Variants in SEC61B observed in about 807,000 individuals in gnomAD.
SEC61B encodes protein transport protein Sec61 subunit beta.
In SEC61B, 7 loss-of-function variants were observed where a neutral mutation model predicts 12.6. The ratio of observed to expected loss-of-function variants is 0.55; its 90% CI spans 0.32 to 1.04. The LOEUF (loss-of-function observed/expected upper bound fraction) is 1.04. Among genes scored for constraint, SEC61B ranks in the 50% least tolerant of loss-of-function variants. The pLI is 0.05. For missense variants in SEC61B, 107 were observed against 130.1 expected (o/e 0.82, Z 0.86); for synonymous variants, 54 against 50.1 (o/e 1.08, Z -0.33).
At chr9:99,225,547 A>C (rs1470141273) in intron 2 of SEC61B, among the ~76,000 whole-genome samples, 7 of 152,176 alleles carry the variant, frequency 4.6e-5, no homozygotes, top group Non-Finnish European at 1.0e-4. Context: ...TTAGTTTTGA[A>C]AACCATTGTG....
chr9:99,229,665 T>G (rs2119023073), intron 3 of SEC61B, among the ~76,000 whole-genome samples: 1 of 152,310 alleles, frequency 6.6e-6, no homozygotes, highest in South Asian at 2.1e-4. Context: ...GGACTCATTT[T>G]AAACCCTTCT....
chr9:99,230,212 G>A (rs1205472539), intron 3 of SEC61B, 125 bp from the exon 4 acceptor site: 2 of 553,128 alleles, frequency 3.6e-6, no homozygotes, highest in East Asian at 6.2e-5. Flanking sequence ...TACAAATAAT[G>A]TTTCTGGATG....
Position 99,222,372 on chromosome 9 carries a change from G to A in SEC61B, c.3+6G>A, listed in dbSNP as rs1564224533. On this transcript the variant is annotated splice_donor_region_variant and intron_variant, in intron 1 of 3. Coordinates refer to ENST00000223641, the MANE Select transcript of SEC61B (RefSeq NM_006808.3). ...CCACCCTCATCTCCAATATGGTATG[G>A]CGGCCCTTCCATGATCCCCGCCTCT... is the stretch of plus-strand genomic sequence containing the variant. 5 of 1,614,136 alleles carry A rather than the reference G, an allele frequency of 3.1e-6. 1 individual carries two copies. In the South Asian group the frequency reaches 5.5e-5, roughly 18 times the overall value.
At chr9:99,225,667 C>A (rs1685121152) in intron 2 of SEC61B, among the ~76,000 whole-genome samples, 1 of 152,206 alleles carries the variant, frequency 6.6e-6, no homozygotes, top group Non-Finnish European at 1.5e-5. Flanking sequence ...CTTTACCTAG[C>A]TACCCCTAGG....
intron 2 of SEC61B, chr9:99,223,050 T>G (rs1318437359): frequency 6.1e-6 from 1 of 163,330 alleles, no homozygotes; most frequent in African/African-American, 2.4e-5. Context: ...TATATCTCCT[T>G]ACTTCCATAT....
intron 3 of SEC61B, among the ~76,000 whole-genome samples, chr9:99,228,440 T>TTACC (rs1413019255): frequency 6.6e-6 from 1 of 152,224 alleles, no homozygotes; most frequent in Non-Finnish European, 1.5e-5. Flanking sequence ...TTAGGCTGTG[T>TTACC]TACCAGGAGT....
At chr9:99,222,468 C>G in intron 1 of SEC61B, 78 bp from the exon 2 acceptor site, 1 of 1,601,348 alleles carries the variant, frequency 6.2e-7, no homozygotes, top group Non-Finnish European at 8.6e-7. Flanking sequence ...CCCCCAGCCT[C>G]GGGTGTGGGT....
At chr9:99,224,341 G>A (rs868086568) in intron 2 of SEC61B, among the ~76,000 whole-genome samples, 3 of 152,148 alleles carry the variant, frequency 2.0e-5, no homozygotes, top group Non-Finnish European at 4.4e-5. Context: ...TATGGGCTTT[G>A]AGTGCTGTCC....
chr9:99,227,875 T>A (rs1828917310), intron 2 of SEC61B, 24 bp from the exon 3 acceptor site: 1 of 1,569,000 alleles, frequency 6.4e-7, no homozygotes, highest in African/African-American at 1.3e-5. Context: ...AAAAGGCCAT[T>A]TGTAACATTT....
intron 2 of SEC61B, 58 bp downstream of exon 2, chr9:99,222,701 C>T: frequency 8.4e-7 from 1 of 1,197,038 alleles, no homozygotes; most frequent in Non-Finnish European, 1.2e-6. Flanking sequence ...CAGAACCTCG[C>T]TGATTCTGGG....
Position 99,230,590 on chromosome 9 carries a change from C to G in SEC61B, c.*166C>G. The G allele has an allele frequency of 1.8e-6, 1 of 560,390 alleles. No homozygotes were observed. Among genetic ancestry groups the G allele is most frequent in the Non-Finnish European group, 3.1e-6 (1 of 319,470 alleles). The allele number at this position is 560,390 out of a possible 1,614,324, so 34.7% of individuals were successfully genotyped here. ...TTGAGGAATCAGTTTTTTTCTATGG[C>G]TAATAAACTTTTTAATTCACTTATA... On this transcript the variant is annotated 3_prime_UTR_variant, in exon 4 of 4. Coordinates refer to ENST00000223641, the MANE Select transcript of SEC61B (RefSeq NM_006808.3).
chr9:99,223,673 T>C (rs1317732767), intron 2 of SEC61B, among the ~76,000 whole-genome samples: 1 of 152,232 alleles, frequency 6.6e-6, no homozygotes, highest in Non-Finnish European at 1.5e-5. Context: ...ATTACAGGCG[T>C]GAGCCACTGC....
chr9:99,225,353 G>A (rs893829871), intron 2 of SEC61B, among the ~76,000 whole-genome samples: 1 of 152,176 alleles, frequency 6.6e-6, no homozygotes, highest in Non-Finnish European at 1.5e-5. Context: ...TTTAGATAGG[G>A]TGTTCACAGT....
At chr9:99,223,434 C>T (rs1040597844) in intron 2 of SEC61B, among the ~76,000 whole-genome samples, 1 of 151,224 alleles carries the variant, frequency 6.6e-6, no homozygotes, top group Non-Finnish European at 1.5e-5. Context: ...CACTCTGTCG[C>T]CCAGGCTGGA....
At chr9:99,229,077 A>C (rs1828931077) in intron 3 of SEC61B, among the ~76,000 whole-genome samples, 2 of 152,116 alleles carry the variant, frequency 1.3e-5, no homozygotes, top group Non-Finnish European at 2.9e-5. Context: ...TAGTTTTTAT[A>C]ATTTTAATTA....
At chr9:99,229,398 C>T (rs1257507440) in intron 3 of SEC61B, among the ~76,000 whole-genome samples, 1 of 152,102 alleles carries the variant, frequency 6.6e-6, no homozygotes, top group Non-Finnish European at 1.5e-5. Flanking sequence ...GATCATAGCT[C>T]ATTGTAGTCT....
chr9:99,227,915 G>A lies in SEC61B; in HGVS notation c.118G>A (p.Gly40Arg). ...CTCTTTCAGGAAAAATGCCAGCTGTGGGACAAGGAGTGCAGGCCGCACAAC... is the reference window on the plus strand; with the variant it reads ...CTCTTTCAGGAAAAATGCCAGCTGTAGGACAAGGAGTGCAGGCCGCACAAC... ...TVRQRKNASCGTRSAGRTTSA... is the reference protein window; with the variant it reads ...TVRQRKNASCRTRSAGRTTSA... Residue 40 changes from glycine (G) to arginine (R), a missense_variant, in exon 3 of 4, where the codon GGG becomes AGG. Gly to Arg is a moderately radical substitution (Grantham distance 125). Coordinates refer to ENST00000223641, the MANE Select transcript of SEC61B (RefSeq NM_006808.3). 1 of 1,613,950 alleles carries A rather than the reference G, an allele frequency of 6.2e-7. No homozygotes were observed. Among genetic ancestry groups the A allele is most frequent in the Non-Finnish European group, 8.5e-7 (1 of 1,179,934 alleles).
At position 99,222,658 on chromosome 9, in the gene SEC61B, A is replaced by T; in HGVS notation, c.101+15A>T. On this transcript the variant is annotated intron_variant, in intron 2 of 3. Transcript: ENST00000223641. ...GTCCGGCAGAGGTAAGGAACCCTGC[A>T]GTTCGTTCGCTTCCAGACTCGGAGA... The T allele has an allele frequency of 3.3e-6, 5 of 1,496,240 alleles. No individual in the cohort carries two copies. The South Asian group carries it at 5.0e-5, about 15-fold the overall frequency. The allele number at this position is 1,496,240 out of a possible 1,614,324, so 92.7% of individuals were successfully genotyped here.
At position 99,227,480 on chromosome 9, in the gene SEC61B, T is replaced by C. The variant is rs75188421; in HGVS notation, c.102-419T>C. 4.8e-3 allele frequency among the ~76,000 whole-genome samples: 725 copies of C among 152,234 alleles called. 3 individuals are homozygous for C. The highest frequency in any genetic ancestry group is 0.017 in the Middle Eastern group (5 of 294). On this transcript the variant is annotated intron_variant, in intron 2 of 3. Transcript: ENST00000223641. ...TTCAGGGCATTTTAAAACAGGAATTTATTATTTGGCTTCATGAAAGATGCA... is the reference window on the plus strand; with the variant it reads ...TTCAGGGCATTTTAAAACAGGAATTCATTATTTGGCTTCATGAAAGATGCA...
Sources: gnomAD v4.1 joint callset for allele counts (sites outside exome capture counted in the v4.1 genomes callset) on GRCh38, gnomAD v4.1.1 for gene constraint, MANE v1.5 for transcripts, NCBI Gene and HGNC (gene_info 2026-07-23, HGNC 2026-07-21) for gene names.